Variants in PDE10A observed in about 807,000 individuals in gnomAD.
PDE10A encodes phosphodiesterase 10A, also known as cAMP and cAMP-inhibited cGMP 3',5'-cyclic phosphodiesterase 10A.
Under a neutral mutation model 97.7 loss-of-function variants are expected in PDE10A, and 39 were observed. The observed-to-expected ratio is 0.40, with a 90% CI of 0.31 to 0.52. The LOEUF is 0.52. Ranked by LOEUF, PDE10A falls within the 20% of genes least tolerant of loss-of-function variation. PDE10A has a pLI of 0.56. For synonymous variants in PDE10A, 371 were observed against 376.8 expected (o/e 0.98, Z 0.18); for missense variants, 731 against 1,047.8 (o/e 0.70, Z 4.17).
intron 1 of PDE10A, among the ~76,000 whole-genome samples, chr6:165,853,183 T>A (rs1343512402): frequency 2.0e-5 from 3 of 152,356 alleles, no homozygotes; most frequent in African/African-American, 7.2e-5. Flanking sequence ...GGACGAGGCC[T>A]CTGCTATTGA....
intron 18 of PDE10A, among the ~76,000 whole-genome samples, chr6:165,353,947 T>C (rs1782862953): frequency 6.6e-6 from 1 of 152,168 alleles, no homozygotes; most frequent in Non-Finnish European, 1.5e-5. Context: ...ATACCAACAG[T>C]GGGGGAAGTT....
intron 3 of PDE10A, among the ~76,000 whole-genome samples, chr6:165,472,693 A>T (rs1408059287): frequency 6.6e-6 from 1 of 152,198 alleles, no homozygotes; most frequent in Non-Finnish European, 1.5e-5. Flanking sequence ...AGTGTCATTT[A>T]CATTATACCA....
rs777961934 is a variant in PDE10A at position 165,952,075 on chromosome 6, C to T, written c.-615+35454G>A. Among the ~76,000 whole-genome samples the T allele has an allele frequency of 3.9e-5, 6 of 152,220 alleles. 1 individual carries two copies. In the South Asian group the frequency reaches 1.0e-3, roughly 26 times the overall value. ...CTGTTATTATCCTCAAGTCCTCATG[C>T]GAAGTAACGAGGCAGAGACATTAAA... On this transcript the variant is annotated intron_variant, in intron 1 of 19. Coordinates refer to the PDE10A transcript ENST00000366882.
intron 1 of PDE10A, among the ~76,000 whole-genome samples, chr6:165,619,568 TGTAGTCTAGC>T (rs1788005408): frequency 1.4e-5 from 2 of 140,800 alleles, no homozygotes; most frequent in South Asian, 4.6e-4. Context: ...TGTAGTATAC[TGTAGTCTAGC>T]GTAGTGTACT....
chr6:165,795,667 G>A (rs1026575316), intron 1 of PDE10A, among the ~76,000 whole-genome samples: 3 of 152,100 alleles, frequency 2.0e-5, no homozygotes, highest in Non-Finnish European at 4.4e-5. Context: ...CAGAAGAATC[G>A]CTTGAACTCG....
intron 1 of PDE10A, among the ~76,000 whole-genome samples, chr6:165,580,538 G>A (rs1239432350): frequency 4.6e-5 from 7 of 152,194 alleles, no homozygotes; most frequent in African/African-American, 1.2e-4. Flanking sequence ...AGGACAATTA[G>A]TTTTAAGGAA....
Position 165,339,371 on chromosome 6 carries a change from G to C in PDE10A, c.2896-13C>G, listed in dbSNP as rs1197077725. ...TCATTTCATCACCCTAAGATGAATG[G>C]GGAGAAAATCATGCTTTCTCAAATT... On this transcript the variant is annotated splice_polypyrimidine_tract_variant and intron_variant, in intron 19 of 21. Coordinates refer to ENST00000539869, the MANE Select transcript of PDE10A (RefSeq NM_001385079.1). The C allele has an allele frequency of 6.7e-7, 1 of 1,481,872 alleles. No homozygotes were observed. The highest frequency in any genetic ancestry group is 9.4e-7 in the Non-Finnish European group (1 of 1,060,318). 91.8% of individuals were successfully genotyped at this position (1,481,872 alleles called of 1,614,324 possible).
intron 1 of PDE10A, among the ~76,000 whole-genome samples, chr6:165,636,103 G>A (rs1011407543): frequency 3.3e-5 from 5 of 152,132 alleles, no homozygotes; most frequent in African/African-American, 1.2e-4. Flanking sequence ...TCTGTAAACA[G>A]ACATTTACAT....
chr6:165,503,026 A>ATG, intron 2 of PDE10A, among the ~76,000 whole-genome samples: 1 of 152,312 alleles, frequency 6.6e-6, no homozygotes, highest in South Asian at 2.1e-4. Context: ...TGATTAAACA[A>ATG]AGAAACAAGA....
intron 1 of PDE10A, among the ~76,000 whole-genome samples, chr6:165,833,289 T>C (rs879842321): frequency 2.0e-5 from 3 of 152,236 alleles, no homozygotes; most frequent in Admixed American, 2.0e-4. Context: ...GCCTCAATTA[T>C]GATTCACCAG....
chr6:165,835,197 C>A (rs1780034017), intron 1 of PDE10A, among the ~76,000 whole-genome samples: 1 of 152,208 alleles, frequency 6.6e-6, no homozygotes, highest in African/African-American at 2.4e-5. Context: ...ATACCTCCAG[C>A]CCCAGAGACC....
chr6:165,623,026 T>C (rs1788219389), intron 1 of PDE10A, among the ~76,000 whole-genome samples: 1 of 152,198 alleles, frequency 6.6e-6, no homozygotes. Flanking sequence ...GCCATGAGTG[T>C]AAACTTCCTG....
intron 12 of PDE10A, among the ~76,000 whole-genome samples, chr6:165,413,903 T>C (rs1788098680): frequency 6.6e-6 from 1 of 152,206 alleles, no homozygotes; most frequent in Admixed American, 6.5e-5. Context: ...GTTGGTTCTT[T>C]TGTCTCCAAG....
intron 18 of PDE10A, among the ~76,000 whole-genome samples, chr6:165,361,514 T>C (rs1330947249): frequency 6.6e-6 from 1 of 152,232 alleles, no homozygotes; most frequent in Non-Finnish European, 1.5e-5. Flanking sequence ...CGTGACCTTA[T>C]ATAGAAATAG....
chr6:165,431,845 T>A (rs908906859), intron 7 of PDE10A, among the ~76,000 whole-genome samples: 1 of 152,036 alleles, frequency 6.6e-6, no homozygotes, highest in Non-Finnish European at 1.5e-5. Flanking sequence ...GAAAACAAAC[T>A]GATTGTTAAG....
chr6:165,708,919 CCCCAT>C lies in PDE10A; in HGVS notation c.-614-165356_-614-165352del, dbSNP rs1334470284. Among the ~76,000 whole-genome samples the C allele has an allele frequency of 7.1e-3, 88 of 12,374 alleles. 30 individuals are homozygous for C. Among genetic ancestry groups the C allele is most frequent in the African/African-American group, 0.042 (58 of 1,392 alleles). The allele number at this position is 12,374 out of a possible 152,430, so 8.1% of individuals were successfully genotyped here. A position where few individuals can be genotyped will look rare whatever the true frequency, so the allele number is the denominator to read the frequency against. ...GCCACGCTCACCCCCCACTCTCCAC[CCCCAT>C]GCTGCCACGCTCACGCCCCACTCTC... On this transcript the variant is annotated intron_variant, in intron 1 of 19. Coordinates refer to the PDE10A transcript ENST00000366882.
chr6:165,743,526 TAGA>T (rs916595410), intron 1 of PDE10A, among the ~76,000 whole-genome samples: 68 of 152,220 alleles, frequency 4.5e-4, no homozygotes, highest in African/African-American at 1.5e-3. Context: ...TGATAGCACT[TAGA>T]AGAAATCTGA....
intron 11 of PDE10A, among the ~76,000 whole-genome samples, chr6:165,416,543 T>C (rs1788327752): frequency 6.6e-6 from 1 of 152,222 alleles, no homozygotes; most frequent in African/African-American, 2.4e-5. Context: ...CCTCCTGCTC[T>C]GAACAATAAT....
At chr6:165,444,607 A>ATT (rs1332725710) in intron 5 of PDE10A, among the ~76,000 whole-genome samples, 2 of 151,922 alleles carry the variant, frequency 1.3e-5, no homozygotes, top group Non-Finnish European at 2.9e-5. Flanking sequence ...TTTACAAGTA[A>ATT]TTTTGTTATA....
Sources: allele counts gnomAD v4.1 joint callset (sites outside exome capture counted in the v4.1 genomes callset), GRCh38; gene constraint gnomAD v4.1.1; transcripts MANE v1.5; gene names NCBI Gene and HGNC (gene_info 2026-07-23, HGNC 2026-07-21).